The following EBF1 variants were observed in gnomAD, a reference collection of about 807,000 sequenced individuals.
EBF1 encodes the protein EBF transcription factor 1.
In EBF1, 10 loss-of-function variants were observed where a neutral mutation model predicts 68.4. That is an observed-to-expected ratio of 0.15 (90% confidence interval 0.09 to 0.25). EBF1 has a LOEUF of 0.25. EBF1 is among the 10% of genes least tolerant of loss of function. EBF1 has a pLI of 1.00. For missense variants in EBF1, 509 were observed against 794.4 expected, an observed-to-expected ratio of 0.64 and a Z score of 4.32; for synonymous variants, 298 against 299.8, an observed-to-expected ratio of 0.99 and a Z score of 0.06.
chr5:159,097,847 C>A (rs35069904), intron 1 of EBF1, among the ~76,000 whole-genome samples: 1 of 152,172 alleles, frequency 6.6e-6, no homozygotes, highest in African/African-American at 2.4e-5. Flanking sequence ...TGGCTCAGTG[C>A]GCCGGCCGGC....
At chr5:159,032,347 T>C (rs367550255) in intron 6 of EBF1, among the ~76,000 whole-genome samples, 1 of 152,214 alleles carries the variant, frequency 6.6e-6, no homozygotes, top group East Asian at 1.9e-4. Context: ...CCCAGGGCCA[T>C]CTGATTTCAA....
intron 6 of EBF1, among the ~76,000 whole-genome samples, chr5:158,862,068 T>A (rs1562147773): frequency 2.0e-5 from 3 of 152,190 alleles, no homozygotes; most frequent in Non-Finnish European, 4.4e-5. Flanking sequence ...TACTTTCAAA[T>A]TTTTTTGCTA....
chr5:158,780,537 A>T (rs566602930), intron 9 of EBF1, among the ~76,000 whole-genome samples: 1 of 152,338 alleles, frequency 6.6e-6, no homozygotes, highest in South Asian at 2.1e-4. Flanking sequence ...TTTTAAAAGA[A>T]AACTTTATGT....
intron 6 of EBF1, among the ~76,000 whole-genome samples, chr5:159,057,104 C>CTTTTTTTTTTTTTTTTTTTTTTTTTTTT (rs1205129627): frequency 9.0e-6 from 1 of 110,642 alleles, no homozygotes; most frequent in Non-Finnish European, 1.9e-5. Flanking sequence ...CTTTTCTTTT[C>CTTTTTTTTTTTTTTTTTTTTTTTTTTTT]TTTTTTTTTT....
chr5:158,913,099 A>G (rs1260053095), intron 6 of EBF1, among the ~76,000 whole-genome samples: 1 of 152,240 alleles, frequency 6.6e-6, no homozygotes. Context: ...TGTACAATAC[A>G]GCTTCTTAAG....
intron 8 of EBF1, among the ~76,000 whole-genome samples, chr5:158,820,476 G>A (rs1312421313): frequency 1.3e-5 from 2 of 152,200 alleles, no homozygotes; most frequent in African/African-American, 4.8e-5. Flanking sequence ...GTGTCAGCCT[G>A]AAGTGTCTAA....
intron 6 of EBF1, among the ~76,000 whole-genome samples, chr5:159,058,072 A>G (rs1381482513): frequency 6.6e-6 from 1 of 152,204 alleles, no homozygotes; most frequent in African/African-American, 2.4e-5. Flanking sequence ...TGACAGTGGA[A>G]TTCCAAGCAT....
At chr5:158,795,787 C>G (rs1247573030) in intron 9 of EBF1, among the ~76,000 whole-genome samples, 1 of 152,164 alleles carries the variant, frequency 6.6e-6, no homozygotes, top group Non-Finnish European at 1.5e-5. Context: ...GTTGCAGTCA[C>G]ACACTGAGAT....
intron 9 of EBF1, among the ~76,000 whole-genome samples, chr5:158,795,421 C>T (rs1037487559): frequency 2.0e-5 from 3 of 152,108 alleles, no homozygotes; most frequent in Non-Finnish European, 2.9e-5. Flanking sequence ...GATGATCTAC[C>T]TCAAGGTTTA....
At chr5:158,805,641 CTTTT>C (rs1781444567) in intron 8 of EBF1, among the ~76,000 whole-genome samples, 1 of 151,924 alleles carries the variant, frequency 6.6e-6, no homozygotes, top group South Asian at 2.1e-4. Context: ...GTAGAATCTA[CTTTT>C]TTGTTAGAGG....
chr5:158,913,612 T>C (rs1806484301), intron 6 of EBF1, among the ~76,000 whole-genome samples: 1 of 151,724 alleles, frequency 6.6e-6, no homozygotes, highest in Non-Finnish European at 1.5e-5. Context: ...TCTGCACCAG[T>C]TGTGATTTAT....
intron 9 of EBF1, among the ~76,000 whole-genome samples, chr5:158,782,351 T>C (rs1776599967): frequency 1.3e-5 from 2 of 152,180 alleles, no homozygotes; most frequent in Admixed American, 1.3e-4. Flanking sequence ...CTAATTCACA[T>C]TTGCAACCTC....
intron 6 of EBF1, among the ~76,000 whole-genome samples, chr5:158,956,754 CTTT>C (rs397883009): frequency 2.7e-5 from 3 of 112,840 alleles, no homozygotes; most frequent in African/African-American, 7.4e-5. Flanking sequence ...ACCAACACTT[CTTT>C]TTTTTTTTTT....
At position 158,924,973 on chromosome 5, in the gene EBF1, T is replaced by C. The variant is rs1809339303; in HGVS notation, c.555-84863A>G. Among the ~76,000 whole-genome samples, 3 of 151,974 alleles carry C rather than the reference T, an allele frequency of 2.0e-5. No individual in the cohort carries two copies. In the South Asian group the frequency reaches 6.2e-4, roughly 32 times the overall value. On this transcript the variant is annotated intron_variant, in intron 6 of 15. Transcript: ENST00000313708. Reference sequence around the variant, plus strand: ...TTAGAAGGAAATCCAATCTCTAGCATGGCCCCACTCCTGCCTACTCCTCTA... The same window carrying C: ...TTAGAAGGAAATCCAATCTCTAGCACGGCCCCACTCCTGCCTACTCCTCTA...
At chr5:158,879,805 G>T (rs745861350) in intron 6 of EBF1, among the ~76,000 whole-genome samples, 1 of 152,158 alleles carries the variant, frequency 6.6e-6, no homozygotes, top group Non-Finnish European at 1.5e-5. Flanking sequence ...GAGTAGCCCC[G>T]ATTTTGAATC....
At chr5:158,895,415 T>TA (rs1801979626) in intron 6 of EBF1, among the ~76,000 whole-genome samples, 1 of 152,234 alleles carries the variant, frequency 6.6e-6, no homozygotes, top group Non-Finnish European at 1.5e-5. Flanking sequence ...AAAATCGTGA[T>TA]GAAAATAAAG....
chr5:158,737,520 G>A (rs1212553698), intron 10 of EBF1, among the ~76,000 whole-genome samples: 1 of 151,812 alleles, frequency 6.6e-6, no homozygotes, highest in African/African-American at 2.4e-5. Flanking sequence ...TCCTGACCTC[G>A]TGATCCGCCC....
intron 10 of EBF1, among the ~76,000 whole-genome samples, chr5:158,758,096 C>A (rs1034624239): frequency 6.6e-6 from 1 of 152,144 alleles, no homozygotes; most frequent in Non-Finnish European, 1.5e-5. Flanking sequence ...ATTGTCACAA[C>A]AAACTAGTGA....
intron 6 of EBF1, among the ~76,000 whole-genome samples, chr5:158,929,652 G>T (rs1462039249): frequency 6.6e-6 from 1 of 152,128 alleles, no homozygotes; most frequent in Non-Finnish European, 1.5e-5. Context: ...AGTTATTATG[G>T]CATTTCTGAA....
Sources: allele counts gnomAD v4.1 joint callset (sites outside exome capture counted in the v4.1 genomes callset), GRCh38; gene constraint gnomAD v4.1.1; transcripts MANE v1.5; gene names NCBI Gene and HGNC (gene_info 2026-07-23, HGNC 2026-07-21).